Variants in HS6ST2 observed in about 807,000 individuals in gnomAD.
The protein encoded by HS6ST2 is heparan-sulfate 6-O-sulfotransferase 2.
In HS6ST2, 17 loss-of-function variants were observed where a neutral mutation model predicts 33.0. The ratio of observed to expected loss-of-function variants is 0.52; its 90% CI spans 0.35 to 0.77. The LOEUF is 0.77. Ranked by LOEUF, HS6ST2 falls within the 30% of genes least tolerant of loss-of-function variation. The probability of loss-of-function intolerance (pLI) is 0.01; values close to 1 mark genes in which losing one functional copy is unlikely to be tolerated. For synonymous variants in HS6ST2, 248 were observed against 237.1 expected (o/e 1.05, Z -0.42); for missense variants, 519 against 551.7 (o/e 0.94, Z 0.59).
intron 2 of HS6ST2, among the ~76,000 whole-genome samples, chrX:132,849,160 C>G (rs1391800350): frequency 9.0e-6 from 1 of 111,641 alleles, no homozygotes; most frequent in African/African-American, 3.3e-5. Flanking sequence ...TTAATAAATT[C>G]TTTCTGGTAA....
chrX:132,958,471 C>T lies in HS6ST2; in HGVS notation c.132G>A (p.Gly44=), dbSNP rs778844988. 575 of 1,195,750 alleles carry T rather than the reference C, an allele frequency of 4.8e-4. 1 individual carries two copies. The highest frequency in any genetic ancestry group is 6.2e-4 in the Non-Finnish European group (555 of 889,796). Residue 44 remains glycine, a synonymous_variant, in exon 1 of 5, where the codon GGG becomes GGA. Coordinates refer to ENST00000370833, the MANE Select transcript of HS6ST2 (RefSeq NM_001394073.1). The part of the protein sequence containing the change: ...VEAELAASRP[G]SVAASVRAGP... ...CCGCGCGAACTGAGGCGGCGACCGA[C>T]CCGGGCCGGCTCGCTGCCAATTCGG...
chrX:132,746,329 C>T (rs190414416), intron 2 of HS6ST2, among the ~76,000 whole-genome samples: 4 of 110,768 alleles, frequency 3.6e-5, no homozygotes, highest in Non-Finnish European at 7.6e-5. Flanking sequence ...GGTGAAAACC[C>T]GTCTCTACTA....
At chrX:132,898,105 C>T (rs2066392622) in intron 2 of HS6ST2, among the ~76,000 whole-genome samples, 1 of 109,474 alleles carries the variant, frequency 9.1e-6, no homozygotes, top group Non-Finnish European at 1.9e-5. Flanking sequence ...TGCAACGGAT[C>T]TAGGTTGCGC....
chrX:132,628,165 C>T lies in HS6ST2; in HGVS notation c.*58G>A. 1 of 838,432 alleles carries T rather than the reference C, an allele frequency of 1.2e-6. No homozygotes were observed. The highest frequency in any genetic ancestry group is 3.6e-5 in the Admixed American group (1 of 28,043). The allele number at this position is 838,432 out of a possible 1,213,427, so 69.1% of individuals were successfully genotyped here. A position where few individuals can be genotyped will look rare whatever the true frequency, so the allele number is the denominator to read the frequency against. On this transcript the variant is annotated 3_prime_UTR_variant, in exon 5 of 5. Transcript: ENST00000370833. The stretch of plus-strand genomic sequence containing the variant: ...TGTTTGGACACTTTCATCTTTTAAG[C>T]TATGCCATCTTTTCAGTGGCGCTTT...
chrX:132,675,433 A>G (rs1471823287), intron 3 of HS6ST2, among the ~76,000 whole-genome samples: 1 of 111,913 alleles, frequency 8.9e-6, no homozygotes, highest in African/African-American at 3.3e-5. Flanking sequence ...AAAAGCATCT[A>G]AATCAGGTAA....
intron 3 of HS6ST2, among the ~76,000 whole-genome samples, chrX:132,691,384 C>T: frequency 9.0e-6 from 1 of 111,685 alleles, no homozygotes; most frequent in Admixed American, 9.5e-5. Context: ...CATGAAATAA[C>T]TCCCTTAACC....
chrX:132,955,223 G>T (rs942760527), intron 2 of HS6ST2, among the ~76,000 whole-genome samples: 2 of 112,552 alleles, frequency 1.8e-5, no homozygotes, highest in African/African-American at 6.5e-5. Context: ...CCAGAATATT[G>T]TTGTGACAAT....
chrX:132,846,581 G>A (rs140620472), intron 2 of HS6ST2, among the ~76,000 whole-genome samples: 6 of 111,932 alleles, frequency 5.4e-5, no homozygotes, highest in East Asian at 2.8e-4. Context: ...CCTACCAGTC[G>A]CAGTGATTCT....
chrX:132,664,325 A>G (rs887289218), intron 4 of HS6ST2, among the ~76,000 whole-genome samples: 1 of 112,130 alleles, frequency 8.9e-6, no homozygotes, highest in Non-Finnish European at 1.9e-5. Flanking sequence ...TTATTTTTCT[A>G]AAGCTGAAAA....
intron 2 of HS6ST2, among the ~76,000 whole-genome samples, chrX:132,859,337 T>C (rs931816636): frequency 5.4e-5 from 6 of 111,493 alleles, no homozygotes; most frequent in South Asian, 7.5e-4. Context: ...GGAAGAACTA[T>C]ATACAGACAA....
chrX:132,958,306 G>T lies in HS6ST2; in HGVS notation c.297C>A (p.His99Gln). The change falls in exon 1 of 5, where the codon CAC becomes CAA. Residue 99 changes from histidine (H) to glutamine (Q), a missense_variant. Coordinates refer to ENST00000370833, the MANE Select transcript of HS6ST2 (RefSeq NM_001394073.1). The part of the protein sequence containing the change: ...LLSRGRRRRM[H>Q]VLRRRWDLGS... ...CCAGGTCCCAGCGTCGCCTGAGGACGTGCATCCGCCTGCGGCGGCCCCGGG... is the reference window on the plus strand; with the variant it reads ...CCAGGTCCCAGCGTCGCCTGAGGACTTGCATCCGCCTGCGGCGGCCCCGGG... 1 of 1,195,678 alleles carries T rather than the reference G, an allele frequency of 8.4e-7. No homozygotes were observed. Among genetic ancestry groups the T allele is most frequent in the Non-Finnish European group, 1.1e-6 (1 of 892,687 alleles).
intron 2 of HS6ST2, among the ~76,000 whole-genome samples, chrX:132,714,608 C>G (rs1043272476): frequency 1.8e-5 from 2 of 111,585 alleles, no homozygotes; most frequent in East Asian, 5.6e-4. Flanking sequence ...CATAAGCCAC[C>G]GTGCCCGGCC....
chrX:132,924,818 C>T (rs1264032955), intron 2 of HS6ST2, among the ~76,000 whole-genome samples: 4 of 111,671 alleles, frequency 3.6e-5, no homozygotes, highest in South Asian at 7.5e-4. Flanking sequence ...GGCGAAATGC[C>T]GCCTCTAGGA....
At chrX:132,811,685 AATAT>A (rs56390608) in intron 2 of HS6ST2, among the ~76,000 whole-genome samples, 790 of 29,785 alleles carry the variant, frequency 0.027, 7 homozygotes, top group Admixed American at 0.055. Flanking sequence ...AAGGCTGAAT[AATAT>A]ATATATATAT....
intron 2 of HS6ST2, among the ~76,000 whole-genome samples, chrX:132,778,406 T>C (rs1246650361): frequency 1.8e-5 from 2 of 111,087 alleles, no homozygotes; most frequent in African/African-American, 3.3e-5. Context: ...TGTTTTTTTG[T>C]TTTTTGTTTT....
At chrX:132,887,001 G>A (rs918422426) in intron 2 of HS6ST2, among the ~76,000 whole-genome samples, 1 of 110,674 alleles carries the variant, frequency 9.0e-6, no homozygotes, top group Non-Finnish European at 1.9e-5. Context: ...TGAGCGTAGT[G>A]GCACACACCT....
chrX:132,737,964 T>C (rs2064525048), intron 2 of HS6ST2, among the ~76,000 whole-genome samples: 1 of 112,291 alleles, frequency 8.9e-6, no homozygotes, highest in Non-Finnish European at 1.9e-5. Flanking sequence ...CCAGTGCCCA[T>C]CCTGTTCTCA....
At chrX:132,792,209 C>T (rs1199052015) in intron 2 of HS6ST2, among the ~76,000 whole-genome samples, 1 of 112,203 alleles carries the variant, frequency 8.9e-6, no homozygotes, top group Admixed American at 9.5e-5. Flanking sequence ...CCCAAGTGGG[C>T]ACAAGGTGGT....
intron 2 of HS6ST2, among the ~76,000 whole-genome samples, chrX:132,873,400 C>A (rs747797306): frequency 1.2e-4 from 13 of 111,763 alleles, no homozygotes; most frequent in African/African-American, 4.2e-4. Context: ...TATTCCAGAG[C>A]CCTCCTTCCC....
Sources: gnomAD v4.1 joint callset for allele counts (sites outside exome capture counted in the v4.1 genomes callset) on GRCh38, gnomAD v4.1.1 for gene constraint, MANE v1.5 for transcripts, NCBI Gene and HGNC (gene_info 2026-07-23, HGNC 2026-07-21) for gene names.